The following UCP3 variants were observed in gnomAD, a reference collection of about 807,000 sequenced individuals.
The protein encoded by UCP3 is putative mitochondrial transporter UCP3.
In UCP3, 24 loss-of-function variants were observed where a neutral mutation model predicts 28.1. That is an observed-to-expected ratio of 0.85 (90% confidence interval 0.62 to 1.20). The LOEUF (loss-of-function observed/expected upper bound fraction) is 1.20, where lower values mean the gene tolerates loss of function less well. Ranked by LOEUF, UCP3 falls within the 50% of genes most tolerant of loss-of-function variation. The pLI is 0.00. For missense variants in UCP3, 397 were observed against 422.2 expected, an observed-to-expected ratio of 0.94 and a Z score of 0.52; for synonymous variants, 184 against 171.2, an observed-to-expected ratio of 1.07 and a Z score of -0.59.
intron 6 of UCP3, chr11:74,002,973 C>T: frequency 2.0e-6 from 2 of 979,134 alleles, no homozygotes; most frequent in Non-Finnish European, 2.4e-6. Context: ...AGGGTTTGAG[C>T]CATGGCTCCA....
At chr11:74,005,705 GC>G in intron 4 of UCP3, 24 bp downstream of exon 4, 1 of 1,613,076 alleles carries the variant, frequency 6.2e-7, no homozygotes, top group Non-Finnish European at 8.5e-7. Context: ...GCCTAAGACC[GC>G]CTGCGTCCAG....
In UCP3 at chr11:74,003,877, G is replaced by A. The variant is rs772178806; in HGVS notation, c.774C>T (p.Asp258=). The part of the protein sequence containing the change: ...SPPGQYFSPL[D]CMIKMVAQEG... Reference sequence around the variant, plus strand: ...CCTGGGCCACCATCTTTATCATACAGTCGAGGGGGCTGAAGTACTGGCCTG... The same window carrying A: ...CCTGGGCCACCATCTTTATCATACAATCGAGGGGGCTGAAGTACTGGCCTG... The change falls in exon 6 of 7, where the codon GAC becomes GAT. Residue 258 remains aspartate (D), a synonymous_variant. Coordinates refer to ENST00000314032, the MANE Select transcript of UCP3 (RefSeq NM_003356.4). 30 of 1,613,938 alleles carry A rather than the reference G, an allele frequency of 1.9e-5. No individual in the cohort carries two copies. Among genetic ancestry groups the A allele is most frequent in the South Asian group, 1.4e-4 (13 of 91,074 alleles).
In UCP3 at chr11:74,004,544, C is replaced by A. The variant is rs369965819; in HGVS notation, c.583G>T (p.Ala195Ser). The change falls in exon 5 of 7, where the codon GCT becomes TCT. Residue 195 changes from alanine (A) to serine (S), a missense_variant. Transcript: ENST00000314032. ...AGGATGTCGTAGGTCACCACCTCAG[C>A]ACAGTTGACGATAGCATTCCTCATG... ...NIMRNAIVNC[A>S]EVVTYDILKE... 4.3e-6 allele frequency: 7 copies of A among 1,613,910 alleles called. No homozygotes were observed. Among genetic ancestry groups the A allele is most frequent in the African/African-American group, 4.0e-5 (3 of 74,922 alleles).
chr11:74,007,560 T>C (rs943911390), intron 1 of UCP3, among the ~76,000 whole-genome samples: 2 of 152,050 alleles, frequency 1.3e-5, no homozygotes, highest in African/African-American at 4.8e-5. Flanking sequence ...GCCTCCCGAG[T>C]AGCTGGGACT....
At chr11:74,004,684 G>C (rs1230859345) in intron 4 of UCP3, 99 bp from the exon 5 acceptor site, 6 of 1,153,876 alleles carry the variant, frequency 5.2e-6, no homozygotes, top group African/African-American at 4.6e-5. Context: ...ACAGGCCCCA[G>C]TTTTGGGGCC....
chr11:74,004,705 ATTC>A, intron 4 of UCP3, 120 bp from the exon 5 acceptor site: 1 of 873,350 alleles, frequency 1.1e-6, no homozygotes, highest in Non-Finnish European at 1.8e-6. Context: ...ATAGTGCCCC[ATTC>A]CAATGGTCTC....
chr11:74,006,486 A>T (rs913573558), intron 2 of UCP3, 107 bp from the exon 3 acceptor site: 1 of 1,137,200 alleles, frequency 8.8e-7, no homozygotes, highest in Non-Finnish European at 1.2e-6. Flanking sequence ...GCCTGAGAAC[A>T]ACCATGCTGG....
Position 74,006,375 on chromosome 11 carries a change from T to TG in UCP3, c.130dup (p.Gln44ProfsTer29). On this transcript the variant is annotated frameshift_variant, in exon 3 of 7. Coordinates refer to ENST00000314032, the MANE Select transcript of UCP3 (RefSeq NM_003356.4). LOFTEE classifies it high-confidence loss of function. ...CGTCTGGACCGCCTGGTTCTCCCCCTGGATCTGAGGGACAATAGCAGGGGG... is the reference window on the plus strand; with the variant it reads ...CGTCTGGACCGCCTGGTTCTCCCCCTGGGATCTGAGGGACAATAGCAGGGGG... The TG allele has an allele frequency of 6.4e-7, 1 of 1,564,146 alleles. No individual in the cohort carries two copies. The highest frequency in any genetic ancestry group is 8.6e-7 in the Non-Finnish European group (1 of 1,158,506).
chr11:74,006,285 G>A lies in UCP3; in HGVS notation c.221C>T (p.Pro74Leu). ...TILTMVRTEGPCSPYNGLVAG... is the reference protein window; with the variant it reads ...TILTMVRTEGLCSPYNGLVAG... ...CACCAGCCCATTGTAGGGGCTGCAG[G>A]GACCCTCAGTCCGCACCATGGTCAG... Residue 74 changes from proline to leucine, a missense_variant, in exon 3 of 7, where the codon CCC (proline) becomes CTC (leucine). Transcript: ENST00000314032. 6.2e-7 allele frequency: 1 copy of A among 1,612,896 alleles called. No individual in the cohort carries two copies. Among genetic ancestry groups the A allele is most frequent in the African/African-American group, 1.3e-5 (1 of 75,048 alleles).
In UCP3 at chr11:74,003,826, C is replaced by A. The variant is rs45476292; in HGVS notation, c.824+1G>T. 6.3e-7 allele frequency: 1 copy of A among 1,594,046 alleles called. No individual in the cohort carries two copies. Among genetic ancestry groups the A allele is most frequent in the African/African-American group, 1.3e-5 (1 of 74,408 alleles). On this transcript the variant is annotated splice_donor_variant, in intron 6 of 6. Coordinates refer to ENST00000314032, the MANE Select transcript of UCP3 (RefSeq NM_003356.4). LOFTEE classifies it high-confidence loss of function. ...AGTGCTGGAGGCAGGAGGAGGCTCA[C>A]CCCTTGTAGAAGGCTGTGGGGCCCT...
chr11:74,008,704 C>T (rs1240298746), intron 1 of UCP3, among the ~76,000 whole-genome samples: 1 of 152,176 alleles, frequency 6.6e-6, no homozygotes, highest in Non-Finnish European at 1.5e-5. Flanking sequence ...CAAAATCCCA[C>T]CAGAGGCAGC....
chr11:74,006,356 G>A lies in UCP3; in HGVS notation c.150C>T (p.Val50=). ...GGTACTGCACGAGCCGGGCCGTCTGGACCGCCTGGTTCTCCCCCTGGATCT... is the reference window on the plus strand; with the variant it reads ...GGTACTGCACGAGCCGGGCCGTCTGAACCGCCTGGTTCTCCCCCTGGATCT... ...RLQIQGENQA[V]QTARLVQYRG... is the part of the protein sequence containing the mutation. Residue 50 remains valine, a synonymous_variant, in exon 3 of 7, where the codon GTC becomes GTT. Transcript: ENST00000314032. 2 of 1,581,282 alleles carry A rather than the reference G, an allele frequency of 1.3e-6. No individual in the cohort carries two copies. Among genetic ancestry groups the A allele is most frequent in the Non-Finnish European group, 1.7e-6 (2 of 1,165,924 alleles).
At chr11:74,007,826 G>C (rs139001347) in intron 1 of UCP3, among the ~76,000 whole-genome samples, 4 of 152,286 alleles carry the variant, frequency 2.6e-5, no homozygotes, top group African/African-American at 9.6e-5. Flanking sequence ...GGTAGGAGGT[G>C]CCTTGAGGCC....
At chr11:74,007,200 T>C (rs1173930204) in intron 1 of UCP3, 63 bp from the exon 2 acceptor site, 1 of 952,480 alleles carries the variant, frequency 1.0e-6, no homozygotes, top group Non-Finnish European at 1.5e-6. Context: ...CAGGAACTCT[T>C]CCTTACCCAG....
rs375747984 is a variant in UCP3, at chr11:74,001,503, A to G, written c.848T>C (p.Leu283Ser). 24 of 1,614,084 alleles carry G rather than the reference A, an allele frequency of 1.5e-5. No homozygotes were observed. Among genetic ancestry groups the G allele is most frequent in the Non-Finnish European group, 1.9e-5 (23 of 1,180,054 alleles). ...GAACATCACCACGTTCCAGGATCCC[A>G]AACGCAAAAAGGAGGGTGTAAATCT... ...YKGFTPSFLR[L>S]GSWNVVMFVT... The change falls in exon 7 of 7, where the codon TTG becomes TCG. Residue 283 changes from leucine to serine, a missense_variant. Coordinates refer to ENST00000314032, the MANE Select transcript of UCP3 (RefSeq NM_003356.4).
Position 74,005,831 on chromosome 11 carries a change from C to A in UCP3, c.440G>T (p.Ser147Ile), listed in dbSNP as rs779409940. The A allele has an allele frequency of 6.2e-7, 1 of 1,614,086 alleles. No individual in the cohort carries two copies. Among genetic ancestry groups the A allele is most frequent in the Non-Finnish European group, 8.5e-7 (1 of 1,180,048 alleles). The part of the protein sequence containing the change: ...TDVVKVRFQA[S>I]IHLGPSRSDR... ...GCTCCTGGATGGCCCGAGGTGTATG[C>A]TGGCCTGAAATCGGACCTTCACCAC... Residue 147 changes from serine to isoleucine, a missense_variant, in exon 4 of 7, where the codon AGC becomes ATC. By Grantham distance (142) the Ser-to-Ile change is moderately radical (BLOSUM62 -2). Coordinates refer to ENST00000314032, the MANE Select transcript of UCP3 (RefSeq NM_003356.4).
Position 74,006,186 on chromosome 11 carries a change from G to A in UCP3, c.320C>T (p.Thr107Ile). ...GLYDSVKQVY[T>I]PKGADNSSLT... ...TCACTCACTGTCCGCGCCTTTGGGG[G>A]TGTACACCTGCTTGACGGAGTCATA... The change falls in exon 3 of 7, where the codon ACC becomes ATC. Residue 107 changes from threonine (T) to isoleucine (I), a missense_variant. Coordinates refer to ENST00000314032, the MANE Select transcript of UCP3 (RefSeq NM_003356.4). 1.2e-6 allele frequency: 2 copies of A among 1,614,148 alleles called. No individual in the cohort carries two copies. Among genetic ancestry groups the A allele is most frequent in the East Asian group, 2.2e-5 (1 of 44,878 alleles).
chr11:74,001,348 A>C lies in UCP3; in HGVS notation c.*64T>G. On this transcript the variant is annotated 3_prime_UTR_variant, in exon 7 of 7. Coordinates refer to ENST00000314032, the MANE Select transcript of UCP3 (RefSeq NM_003356.4). ...TCTGTGTCCATGTGTGCGTGGATGC[A>C]CCGTTTTCTTCCATTCTTAACTGGT... 2.0e-6 allele frequency: 3 copies of C among 1,489,246 alleles called. No homozygotes were observed. Among genetic ancestry groups the C allele is most frequent in the Non-Finnish European group, 2.8e-6 (3 of 1,068,244 alleles). The allele number at this position is 1,489,246 out of a possible 1,614,324, so 92.3% of individuals were successfully genotyped here. A position where few individuals can be genotyped will look rare whatever the true frequency, so the allele number is the denominator to read the frequency against.
At chr11:74,004,152 T>G in intron 5 of UCP3, 145 bp from the exon 6 acceptor site, 15 of 1,420,646 alleles carry the variant, frequency 1.1e-5, no homozygotes, top group Middle Eastern at 2.2e-4. Flanking sequence ...GGCTAAGCTC[T>G]TGGTAAGTAC....
Sources: allele counts gnomAD v4.1 joint callset (sites outside exome capture counted in the v4.1 genomes callset), GRCh38; gene constraint gnomAD v4.1.1; transcripts MANE v1.5; gene names NCBI Gene and HGNC (gene_info 2026-07-23, HGNC 2026-07-21).